TNRC6B: variants seen among roughly 807,000 people sequenced by gnomAD.
The protein encoded by TNRC6B is trinucleotide repeat-containing gene 6B protein.
Under a neutral mutation model 203.6 loss-of-function variants are expected in TNRC6B, and 52 were observed. The observed-to-expected ratio is 0.26, with a 90% CI of 0.20 to 0.32. The LOEUF is 0.32. TNRC6B is among the 10% of genes least tolerant of loss of function. The pLI, the probability that TNRC6B is intolerant of heterozygous loss-of-function variation, is 1.00. For synonymous variants in TNRC6B, 838 were observed against 845.7 expected (o/e 0.99, Z 0.16); for missense variants, 1,923 against 2,286.2 (o/e 0.84, Z 3.24).
At chr22:40,221,706 G>A (rs904093649) in intron 1 of TNRC6B, among the ~76,000 whole-genome samples, 3 of 151,574 alleles carry the variant, frequency 2.0e-5, no homozygotes, top group Admixed American at 6.6e-5. Context: ...CTCAAAGTGC[G>A]GGGATTACAG....
chr22:40,242,179 AGTGTGTGTGTGT>A (rs58498001), intron 1 of TNRC6B, among the ~76,000 whole-genome samples: 5 of 149,438 alleles, frequency 3.3e-5, no homozygotes, highest in South Asian at 2.1e-4. Context: ...AGGGAATAAG[AGTGTGTGTGTGT>A]GTGTGTGTGT....
chr22:40,168,794 CA>C (rs1203014290), intron 4 of TNRC6B, among the ~76,000 whole-genome samples: 1 of 152,174 alleles, frequency 6.6e-6, no homozygotes. Flanking sequence ...TTGCCTTTCC[CA>C]GGTTCTCTCC....
intron 3 of TNRC6B, among the ~76,000 whole-genome samples, chr22:40,149,679 CAAAAAAA>C (rs58482182): frequency 1.7e-4 from 14 of 84,822 alleles, no homozygotes; most frequent in South Asian, 4.1e-4. Flanking sequence ...CCTCCCCCGC[CAAAAAAA>C]AAAAAAAAAA....
At chr22:40,143,669 T>C (rs537317645) in intron 3 of TNRC6B, among the ~76,000 whole-genome samples, 3 of 152,194 alleles carry the variant, frequency 2.0e-5, no homozygotes, top group Non-Finnish European at 4.4e-5. Flanking sequence ...GCTAATTTTT[T>C]GTATTTTTAG....
intron 4 of TNRC6B, among the ~76,000 whole-genome samples, chr22:40,170,199 G>A (rs774505712): frequency 6.8e-6 from 1 of 148,144 alleles, no homozygotes; most frequent in Non-Finnish European, 1.5e-5. Context: ...AATCACTTGA[G>A]CCTGAAAGGT....
chr22:40,053,905 C>T (rs2067771423), intron 1 of TNRC6B, among the ~76,000 whole-genome samples: 1 of 152,126 alleles, frequency 6.6e-6, no homozygotes, highest in South Asian at 2.1e-4. Context: ...TAAATCTGAT[C>T]ATATTTCTCC....
intron 12 of TNRC6B, among the ~76,000 whole-genome samples, chr22:40,300,232 T>C (rs1297545632): frequency 6.6e-6 from 1 of 152,142 alleles, no homozygotes; most frequent in Admixed American, 6.5e-5. Context: ...TTGTAGAAAA[T>C]TGGAAAGTCT....
intron 21 of TNRC6B, among the ~76,000 whole-genome samples, chr22:40,318,864 A>G (rs2071295853): frequency 6.6e-6 from 1 of 152,088 alleles, no homozygotes; most frequent in Non-Finnish European, 1.5e-5. Context: ...TGAGGTCAGG[A>G]GTTCCAGACC....
At chr22:40,153,208 C>A (rs1022714159) in intron 3 of TNRC6B, among the ~76,000 whole-genome samples, 5 of 152,144 alleles carry the variant, frequency 3.3e-5, no homozygotes, top group Non-Finnish European at 7.3e-5. Flanking sequence ...CTTCTATATA[C>A]CTTTTATCAG....
intron 3 of TNRC6B, among the ~76,000 whole-genome samples, chr22:40,153,437 A>T (rs62236804): frequency 6.6e-6 from 1 of 152,140 alleles, no homozygotes; most frequent in Non-Finnish European, 1.5e-5. Context: ...TCCAAGGCGG[A>T]GTGAAACTGA....
intron 3 of TNRC6B, among the ~76,000 whole-genome samples, chr22:40,255,405 A>G (rs943761117): frequency 6.6e-6 from 1 of 152,226 alleles, no homozygotes; most frequent in African/African-American, 2.4e-5. Context: ...GGCATAGTAC[A>G]GTGAGTACAG....
At chr22:40,303,967 A>AT (rs989295302) in intron 15 of TNRC6B, among the ~76,000 whole-genome samples, 18 of 152,210 alleles carry the variant, frequency 1.2e-4, no homozygotes, top group African/African-American at 4.3e-4. Context: ...TGAAGAATAC[A>AT]TTTTAGGTCT....
chr22:40,192,067 C>T (rs2069281940), intron 1 of TNRC6B, among the ~76,000 whole-genome samples: 1 of 152,068 alleles, frequency 6.6e-6, no homozygotes, highest in African/African-American at 2.4e-5. Flanking sequence ...GCTTTTTTGC[C>T]TAGCCTGCTC....
chr22:40,149,679 CAAAAAAAAAAA>C (rs58482182), intron 3 of TNRC6B, among the ~76,000 whole-genome samples: 1 of 84,830 alleles, frequency 1.2e-5, no homozygotes, highest in Non-Finnish European at 2.3e-5. Flanking sequence ...CCTCCCCCGC[CAAAAAAAAAAA>C]AAAAAAAAAA....
chr22:40,296,872 C>T (rs765771644), intron 12 of TNRC6B, among the ~76,000 whole-genome samples: 2 of 152,144 alleles, frequency 1.3e-5, no homozygotes, highest in Non-Finnish European at 2.9e-5. Context: ...AAGTGATCTC[C>T]GCCCGACTTG....
intron 4 of TNRC6B, among the ~76,000 whole-genome samples, chr22:40,159,593 T>G (rs1434516350): frequency 6.6e-6 from 1 of 151,632 alleles, no homozygotes; most frequent in Admixed American, 6.6e-5. Context: ...GAGCCAAGAT[T>G]GTGCCACTGC....
In TNRC6B at chr22:40,301,584, T is replaced by TG. The variant is rs1201418510; in HGVS notation, c.4120+251_4120+252insG. On this transcript the variant is annotated intron_variant, in intron 15 of 22. Transcript: ENST00000454349. ...TGGCTCCAAAGCAGTCTTCCTTTTT[T>TG]TTGTGTGTGTGTGTGTGTCTGGTTT... 3.3e-3 allele frequency: 1,245 copies of TG among 379,338 alleles called. 13 individuals carry two copies. Among genetic ancestry groups the TG allele is most frequent in the Middle Eastern group, 0.016 (24 of 1,490 alleles). 23.5% of individuals were successfully genotyped at this position (379,338 alleles called of 1,614,324 possible).
chr22:40,079,395 T>G (rs2068047029), intron 1 of TNRC6B, among the ~76,000 whole-genome samples: 1 of 152,092 alleles, frequency 6.6e-6, no homozygotes, highest in Admixed American at 6.6e-5. Context: ...GCAGGGTGAA[T>G]GTAATGACCT....
upstream of TNRC6B, chr22:40,177,824 G>A: frequency 7.7e-7 from 1 of 1,302,540 alleles, no homozygotes; most frequent in Non-Finnish European, 9.7e-7. Context: ...TCCCCTTTAA[G>A]GCAGTCTCAG....
Sources: allele counts gnomAD v4.1 joint callset (sites outside exome capture counted in the v4.1 genomes callset), GRCh38; gene constraint gnomAD v4.1.1; transcripts MANE v1.5; gene names NCBI Gene and HGNC (gene_info 2026-07-23, HGNC 2026-07-21).